The following ANKS3 variants were observed in gnomAD, a reference collection of about 807,000 sequenced individuals.
ANKS3 encodes the protein ankyrin repeat and sterile alpha motif domain containing 3, also known as ankyrin repeat and SAM domain-containing protein 3.
ANKS3 carries 62 observed loss-of-function variants against 80.7 expected under a neutral mutation model. The ratio of observed to expected loss-of-function variants is 0.77; its 90% CI spans 0.63 to 0.95. ANKS3 has a LOEUF of 0.95. ANKS3 is among the 40% of genes least tolerant of loss of function. The pLI, the probability that ANKS3 is intolerant of heterozygous loss-of-function variation, is 0.00. For missense variants in ANKS3, 1,150 were observed against 883.6 expected, an observed-to-expected ratio of 1.30 and a Z score of -3.82; for synonymous variants, 489 against 355.3, an observed-to-expected ratio of 1.38 and a Z score of -4.23.
rs771350428 is a variant in ANKS3 at position 4,698,501 on chromosome 16, G to C, written c.1650C>G (p.Arg550=). Residue 550 remains arginine, a synonymous_variant, in exon 14 of 18, where the codon CGC becomes CGG. Transcript: ENST00000304283. ...ESCLLEQDRA[R]EDLQARLRET... is the part of the protein sequence containing the mutation. ...CCCGCAGCCGGGCCTGGAGGTCCTCGCGGGCGCGGTCCTGCTCCAGCAGGC... is the reference window on the plus strand; with the variant it reads ...CCCGCAGCCGGGCCTGGAGGTCCTCCCGGGCGCGGTCCTGCTCCAGCAGGC... 6.4e-7 allele frequency: 1 copy of C among 1,557,300 alleles called. No homozygotes were observed. Among genetic ancestry groups the C allele is most frequent in the Non-Finnish European group, 8.6e-7 (1 of 1,159,256 alleles).
chr16:4,701,597 A>G lies in ANKS3; in HGVS notation c.1010-54T>C, dbSNP rs140935397. On this transcript the variant is annotated intron_variant, in intron 9 of 17. Coordinates refer to ENST00000304283, the MANE Select transcript of ANKS3 (RefSeq NM_133450.4). ...TGCAGCCCTCACCGAGGTGCTGCGC[A>G]TGGGCGTGCCCCGGGCTGAGCCGCC... 897 of 1,514,518 alleles carry G rather than the reference A, an allele frequency of 5.9e-4. 5 individuals are homozygous for G. In the East Asian group the frequency reaches 0.012, roughly 21 times the overall value. The allele number at this position is 1,514,518 out of a possible 1,614,324, so 93.8% of individuals were successfully genotyped here.
At position 4,734,047 on chromosome 16, in the gene ANKS3, G is replaced by A. The variant is rs922567613; in HGVS notation, c.-180C>T. The A allele has an allele frequency of 1.0e-6, 1 of 981,668 alleles. No homozygotes were observed. Among genetic ancestry groups the A allele is most frequent in the Admixed American group, 6.1e-5 (1 of 16,272 alleles). 60.8% of individuals were successfully genotyped at this position (981,668 alleles called of 1,614,324 possible). Reference sequence around the variant, plus strand: ...CCACATAAAGAAAATGTGGGGGCTCGGTCCTCCAGTCACGCGGCGAGCAAG... The same window carrying A: ...CCACATAAAGAAAATGTGGGGGCTCAGTCCTCCAGTCACGCGGCGAGCAAG... On this transcript the variant is annotated 5_prime_UTR_variant, in exon 1 of 18. Coordinates refer to ENST00000304283, the MANE Select transcript of ANKS3 (RefSeq NM_133450.4).
Position 4,698,472 on chromosome 16 carries a change from G to A in ANKS3, c.1679C>T (p.Thr560Met), listed in dbSNP as rs746596153. The change falls in exon 14 of 18, where the codon ACG becomes ATG. Residue 560 changes from threonine (T) to methionine (M), a missense_variant. By Grantham distance (81) the Thr-to-Met change is moderately conservative. Coordinates refer to ENST00000304283, the MANE Select transcript of ANKS3 (RefSeq NM_133450.4). ...GGCAGCATCCCGGGCCAGGGCCCAC[G>A]TCTCCCGCAGCCGGGCCTGGAGGTC... is the stretch of plus-strand genomic sequence containing the variant. ...REDLQARLRE[T>M]WALARDAALV... 2.6e-5 allele frequency: 40 copies of A among 1,547,410 alleles called. No homozygotes were observed. The highest frequency in any genetic ancestry group is 4.8e-5 in the East Asian group (2 of 41,980).
chr16:4,723,908 T>C (rs2081229237), intron 6 of ANKS3, among the ~76,000 whole-genome samples: 1 of 151,498 alleles, frequency 6.6e-6, no homozygotes, highest in Admixed American at 6.6e-5. Flanking sequence ...AAAAATTAAA[T>C]AATTAGCCGG....
At position 4,699,154 on chromosome 16, in the gene ANKS3, T is replaced by A. The variant is rs1422321453; in HGVS notation, c.1307A>T (p.Gln436Leu). Residue 436 changes from glutamine (Q) to leucine (L), a missense_variant, in exon 12 of 18, where the codon CAG becomes CTG. By Grantham distance (113) the Gln-to-Leu change is moderately radical (BLOSUM62 -2). Coordinates refer to ENST00000304283, the MANE Select transcript of ANKS3 (RefSeq NM_133450.4). Reference protein sequence around the residue: ...GPQDLAALLEQIGCLKYLQVF... With the variant: ...GPQDLAALLELIGCLKYLQVF... ...CTGCAGGTACTTCAGACACCCGATC[T>A]GCTCCAGCAGTGCGGCAAGGTCCTG... The A allele has an allele frequency of 6.2e-7, 1 of 1,614,080 alleles. No homozygotes were observed. The highest frequency in any genetic ancestry group is 1.7e-5 in the Admixed American group (1 of 60,018).
intron 5 of ANKS3, among the ~76,000 whole-genome samples, chr16:4,725,720 C>G (rs981899815): frequency 2.3e-4 from 35 of 152,136 alleles, no homozygotes; most frequent in Non-Finnish European, 1.2e-4. Context: ...TGCAGTGGCA[C>G]GATCTCTCAG....
intron 6 of ANKS3, among the ~76,000 whole-genome samples, chr16:4,715,423 A>G (rs1036963091): frequency 6.6e-6 from 1 of 152,170 alleles, no homozygotes; most frequent in African/African-American, 2.4e-5. Flanking sequence ...GACCCCGGAA[A>G]GGGGGAGCAT....
Position 4,724,614 on chromosome 16 carries a change from G to A in ANKS3, c.573+136C>T, listed in dbSNP as rs2081263837. ...CACCACTCAACACCGGGCGTCAATA[G>A]ATAATGAAAATGTGTTGAATAAATG... On this transcript the variant is annotated intron_variant, in intron 6 of 17. Coordinates refer to ENST00000304283, the MANE Select transcript of ANKS3 (RefSeq NM_133450.4). 2.2e-5 allele frequency: 18 copies of A among 831,346 alleles called. No homozygotes were observed. In the South Asian group the frequency reaches 3.2e-4, roughly 15 times the overall value. 51.5% of individuals were successfully genotyped at this position (831,346 alleles called of 1,614,324 possible).
intron 7 of ANKS3, among the ~76,000 whole-genome samples, chr16:4,711,943 C>A (rs1207382902): frequency 6.6e-6 from 1 of 152,140 alleles, no homozygotes; most frequent in Non-Finnish European, 1.5e-5. Flanking sequence ...AGGATTCTAT[C>A]AAAACTTCTA....
At chr16:4,731,621 T>A in intron 1 of ANKS3, 42 bp from the exon 2 acceptor site, 1 of 908,958 alleles carries the variant, frequency 1.1e-6, no homozygotes, top group Non-Finnish European at 1.3e-6. Context: ...GGAATGGTTA[T>A]GAAATTGAAA....
At chr16:4,699,207 G>C in intron 11 of ANKS3, 31 bp from the exon 12 acceptor site, 1 of 1,611,846 alleles carries the variant, frequency 6.2e-7, no homozygotes, top group Non-Finnish European at 8.5e-7. Flanking sequence ...GTTGGGGGAG[G>C]TAGTGGCTGA....
At chr16:4,698,685 C>T (rs2079725940) in intron 13 of ANKS3, 86 bp from the exon 14 acceptor site, 4 of 1,523,026 alleles carry the variant, frequency 2.6e-6, no homozygotes, top group Admixed American at 3.9e-5. Context: ...GTGTGTGGGG[C>T]CCTCTCCCCA....
At chr16:4,701,821 A>G in intron 9 of ANKS3, 1 of 502,954 alleles carries the variant, frequency 2.0e-6, no homozygotes, top group African/African-American at 2.0e-5. Context: ...GTGCAGTTAT[A>G]ACAGACATTC....
rs1290921505 is a variant in ANKS3, at chr16:4,702,143, T to A, written c.968A>T (p.Asn323Ile). ...GCTGCTGCTCTCCACATCCCGCTCA[T>A]TGATGGGGGAGGTGACATCCCGGCA... Reference protein sequence around the residue: ...LCCRDVTSPINERDVESSSSS... With the variant: ...LCCRDVTSPIIERDVESSSSS... The change falls in exon 9 of 18, where the codon AAT becomes ATT. Residue 323 changes from asparagine to isoleucine, a missense_variant. Transcript: ENST00000304283. 2 of 1,597,670 alleles carry A rather than the reference T, an allele frequency of 1.3e-6. No individual in the cohort carries two copies. Among genetic ancestry groups the A allele is most frequent in the African/African-American group, 1.4e-5 (1 of 74,030 alleles).
intron 15 of ANKS3, 42 bp from the exon 16 acceptor site, chr16:4,697,458 G>A (rs774732253): frequency 5.2e-5 from 76 of 1,470,138 alleles, no homozygotes; most frequent in Admixed American, 9.9e-5. Flanking sequence ...GGGGGTCTGC[G>A]TCCCCACAGG....
At chr16:4,722,111 G>C (rs1277659126) in intron 6 of ANKS3, among the ~76,000 whole-genome samples, 1 of 151,310 alleles carries the variant, frequency 6.6e-6, no homozygotes, top group Non-Finnish European at 1.5e-5. Context: ...GGCCTGCGGT[G>C]CACCCACCTT....
At chr16:4,732,436 T>C (rs1216962836) in intron 1 of ANKS3, among the ~76,000 whole-genome samples, 1 of 152,054 alleles carries the variant, frequency 6.6e-6, no homozygotes, top group African/African-American at 2.4e-5. Context: ...TGAAGGACAA[T>C]GAGAACCAGA....
chr16:4,706,023 G>A (rs1431068915), intron 7 of ANKS3, among the ~76,000 whole-genome samples: 1 of 150,922 alleles, frequency 6.6e-6, no homozygotes, highest in African/African-American at 2.4e-5. Flanking sequence ...TCAGCCTCCC[G>A]AGTAGTTGGG....
At chr16:4,700,880 G>A (rs773074228) in intron 11 of ANKS3, 90 bp downstream of exon 11, 32 of 1,515,474 alleles carry the variant, frequency 2.1e-5, no homozygotes, top group East Asian at 4.5e-5. Context: ...TCCTAGCAGC[G>A]CCTGGCACGT....
Sources: allele counts gnomAD v4.1 joint callset (sites outside exome capture counted in the v4.1 genomes callset), GRCh38; gene constraint gnomAD v4.1.1; transcripts MANE v1.5; gene names NCBI Gene and HGNC (gene_info 2026-07-23, HGNC 2026-07-21).